SORCS2: variants seen among roughly 807,000 people sequenced by gnomAD.
The protein encoded by SORCS2 is sortilin related VPS10 domain containing receptor 2.
A neutral mutation model predicts 141.6 loss-of-function variants in SORCS2; 100 were observed. The ratio of observed to expected loss-of-function variants is 0.71; its 90% CI spans 0.60 to 0.83. The LOEUF (loss-of-function observed/expected upper bound fraction) is 0.83, where lower values mean the gene tolerates loss of function less well. Among genes scored for constraint, SORCS2 ranks in the 40% least tolerant of loss-of-function variants. The pLI, the probability that SORCS2 is intolerant of heterozygous loss-of-function variation, is 0.00. For missense variants in SORCS2, 1,646 were observed against 1,560.2 expected (o/e 1.05, Z -0.93); for synonymous variants, 789 against 676.9 (o/e 1.17, Z -2.57).
At chr4:7,330,114 C>T (rs747965346) in intron 1 of SORCS2, among the ~76,000 whole-genome samples, 18 of 151,794 alleles carry the variant, frequency 1.2e-4, no homozygotes, top group Admixed American at 7.9e-4. Flanking sequence ...TCCAGCCTCC[C>T]GCTTCCATTG....
At chr4:7,576,385 TTAAC>T (rs1577779010) in intron 3 of SORCS2, among the ~76,000 whole-genome samples, 3 of 152,204 alleles carry the variant, frequency 2.0e-5, no homozygotes, top group East Asian at 3.8e-4. Context: ...GCTGATTCCA[TTAAC>T]TAATAGCATA....
chr4:7,480,567 G>A (rs1237479857), intron 2 of SORCS2, among the ~76,000 whole-genome samples: 1 of 152,200 alleles, frequency 6.6e-6, no homozygotes, highest in Admixed American at 6.5e-5. Context: ...CCCAGCCCTC[G>A]CTCCACCCTC....
At chr4:7,446,422 G>A (rs1004822935) in intron 2 of SORCS2, among the ~76,000 whole-genome samples, 4 of 152,194 alleles carry the variant, frequency 2.6e-5, no homozygotes, top group Non-Finnish European at 4.4e-5. Context: ...GAATTTTAGG[G>A]GACACAATTC....
intron 2 of SORCS2, among the ~76,000 whole-genome samples, chr4:7,495,290 G>T (rs1164181541): frequency 6.6e-6 from 1 of 152,256 alleles, no homozygotes; most frequent in Non-Finnish European, 1.5e-5. Context: ...GCTGGCTAAA[G>T]GAGGCTACGG....
At chr4:7,614,330 C>T (rs1462776621) in intron 3 of SORCS2, among the ~76,000 whole-genome samples, 1 of 151,478 alleles carries the variant, frequency 6.6e-6, no homozygotes, top group African/African-American at 2.4e-5. Context: ...CTTATCCATC[C>T]TCTCATCTAC....
chr4:7,565,145 G>A lies in SORCS2; in HGVS notation c.648+33516G>A, dbSNP rs763232370. Reference sequence around the variant, plus strand: ...TGGAGACTCCACTCGCTCAGGCTGCGTTTGTTTCCTCTGACCGAGGATCGA... The same window carrying A: ...TGGAGACTCCACTCGCTCAGGCTGCATTTGTTTCCTCTGACCGAGGATCGA... On this transcript the variant is annotated intron_variant, in intron 3 of 26. Coordinates refer to ENST00000507866, the MANE Select transcript of SORCS2 (RefSeq NM_020777.3). 9.2e-4 allele frequency among the ~76,000 whole-genome samples: 140 copies of A among 152,172 alleles called. 2 individuals are homozygous for A. The highest frequency in any genetic ancestry group is 8.3e-4 in the South Asian group (4 of 4,822).
At chr4:7,725,110 A>G (rs764850783) in intron 19 of SORCS2, 44 bp from the exon 20 acceptor site, 1 of 1,593,836 alleles carries the variant, frequency 6.3e-7, no homozygotes, top group South Asian at 1.1e-5. Flanking sequence ...GAAATGCCCC[A>G]TGCCCTGATA....
chr4:7,434,167 G>C (rs1727107889), intron 2 of SORCS2: 2 of 1,613,830 alleles, frequency 1.2e-6, no homozygotes, highest in Non-Finnish European at 1.7e-6. Context: ...AAGCCTCAGT[G>C]CTTGGTCAGC....
intron 1 of SORCS2, among the ~76,000 whole-genome samples, chr4:7,290,770 CTG>C (rs781279733): frequency 3.4e-4 from 51 of 151,608 alleles, no homozygotes; most frequent in Non-Finnish European, 5.3e-4. Flanking sequence ...GATTTGTTGA[CTG>C]TAATGACTGC....
At chr4:7,256,652 A>T (rs1159929539) in intron 1 of SORCS2, among the ~76,000 whole-genome samples, 3 of 151,740 alleles carry the variant, frequency 2.0e-5, no homozygotes, top group African/African-American at 7.3e-5. Context: ...CAAATCTCGG[A>T]TGCGAACGTA....
intron 14 of SORCS2, among the ~76,000 whole-genome samples, chr4:7,710,995 C>T (rs1198083379): frequency 1.3e-5 from 2 of 152,194 alleles, no homozygotes; most frequent in Admixed American, 6.5e-5. Context: ...GGCCTGGCAG[C>T]GACGTGGCAG....
At chr4:7,414,628 T>A (rs1725543536) in intron 2 of SORCS2, among the ~76,000 whole-genome samples, 1 of 152,168 alleles carries the variant, frequency 6.6e-6, no homozygotes, top group African/African-American at 2.4e-5. Context: ...AATGTAATAA[T>A]TCTACAGAAG....
chr4:7,593,070 G>A (rs1216137506), intron 3 of SORCS2, among the ~76,000 whole-genome samples: 1 of 152,070 alleles, frequency 6.6e-6, no homozygotes, highest in Non-Finnish European at 1.5e-5. Flanking sequence ...TTTTGCTTGG[G>A]GTCTCACATA....
chr4:7,709,231 C>T (rs557951765), intron 14 of SORCS2, among the ~76,000 whole-genome samples: 2 of 152,220 alleles, frequency 1.3e-5, no homozygotes, highest in Admixed American at 6.5e-5. Flanking sequence ...GGCCCTTACT[C>T]CTCACACAGA....
intron 2 of SORCS2, among the ~76,000 whole-genome samples, chr4:7,420,354 G>A (rs1725958792): frequency 6.6e-6 from 1 of 152,184 alleles, no homozygotes; most frequent in Admixed American, 6.5e-5. Flanking sequence ...CCACCTTGCA[G>A]GTTTGTGGGA....
At chr4:7,628,355 T>C (rs1021792690) in intron 3 of SORCS2, among the ~76,000 whole-genome samples, 1 of 151,986 alleles carries the variant, frequency 6.6e-6, no homozygotes, top group African/African-American at 2.4e-5. Context: ...CCATCTCTAC[T>C]AAAAATACAA....
chr4:7,640,300 A>C (rs1285031666), intron 4 of SORCS2, among the ~76,000 whole-genome samples: 6 of 137,868 alleles, frequency 4.4e-5, no homozygotes, highest in Non-Finnish European at 1.6e-5. Flanking sequence ...ATGTGAGTCT[A>C]CATGAGTGTG....
chr4:7,277,336 G>A (rs376255949), intron 1 of SORCS2, among the ~76,000 whole-genome samples: 80 of 152,278 alleles, frequency 5.3e-4, no homozygotes, highest in African/African-American at 1.8e-3. Context: ...TCCCCAGCTC[G>A]CTGAGCGGGG....
At chr4:7,349,752 A>C (rs1158347780) in intron 1 of SORCS2, among the ~76,000 whole-genome samples, 1 of 152,126 alleles carries the variant, frequency 6.6e-6, no homozygotes, top group African/African-American at 2.4e-5. Flanking sequence ...GGCATTCCTC[A>C]CTGGGTTTCA....
Sources: gnomAD v4.1 joint callset for allele counts (sites outside exome capture counted in the v4.1 genomes callset) on GRCh38, gnomAD v4.1.1 for gene constraint, MANE v1.5 for transcripts, NCBI Gene and HGNC (gene_info 2026-07-23, HGNC 2026-07-21) for gene names.